ENPEP: variants seen among roughly 807,000 people sequenced by gnomAD.
The protein encoded by ENPEP is glutamyl aminopeptidase.
In ENPEP, 103 loss-of-function variants were observed where a neutral mutation model predicts 114.5. The observed-to-expected ratio is 0.90, with a 90% CI of 0.77 to 1.06. The LOEUF is 1.06. ENPEP is among the 50% of genes least tolerant of loss of function. The pLI is 0.00. For synonymous variants in ENPEP, 420 were observed against 422.0 expected, an observed-to-expected ratio of 1.00 and a Z score of 0.06; for missense variants, 1,196 against 1,161.3, an observed-to-expected ratio of 1.03 and a Z score of -0.43.
In ENPEP at chr4:110,548,284, T is replaced by C; in HGVS notation, c.2109T>C (p.Ile703=). The change falls in exon 14 of 20, where the codon ATT becomes ATC. Residue 703 remains isoleucine (I), a synonymous_variant. Coordinates refer to ENST00000265162, the MANE Select transcript of ENPEP (RefSeq NM_001977.4). ...TAATTTCAGCTGTAACCTACATCAT[T>C]AGCATGTTTGAAGATGATAAAGAGC... The part of the protein sequence containing the change: ...QRVISAVTYI[I]SMFEDDKELY... 1 of 1,605,154 alleles carries C rather than the reference T, an allele frequency of 6.2e-7. No homozygotes were observed. The highest frequency in any genetic ancestry group is 1.1e-5 in the South Asian group (1 of 89,394).
chr4:110,551,996 G>C (rs1040975143), intron 17 of ENPEP, among the ~76,000 whole-genome samples: 1 of 152,144 alleles, frequency 6.6e-6, no homozygotes, highest in African/African-American at 2.4e-5. Flanking sequence ...AGAGATGAAA[G>C]CAGTGGTCCC....
chr4:110,545,814 G>A lies in ENPEP; in HGVS notation c.2001-2362G>A, dbSNP rs187745045. The stretch of plus-strand genomic sequence containing the variant: ...TCTGACCCACTTCTGGTCCATAGGA[G>A]GTTGTCATGTATGCTTTGTCCTGAC... On this transcript the variant is annotated intron_variant, in intron 13 of 19. Transcript: ENST00000265162. Among the ~76,000 whole-genome samples, 675 of 152,098 alleles carry A rather than the reference G, an allele frequency of 4.4e-3. 4 individuals are homozygous for A. The highest frequency in any genetic ancestry group is 7.6e-3 in the Non-Finnish European group (517 of 67,940).
chr4:110,530,265 A>T (rs1054847566), intron 10 of ENPEP, among the ~76,000 whole-genome samples: 1 of 152,218 alleles, frequency 6.6e-6, no homozygotes, highest in Non-Finnish European at 1.5e-5. Flanking sequence ...ACACTTCAAT[A>T]GTTATAAAAC....
At chr4:110,520,763 A>G (rs534318314) in intron 10 of ENPEP, among the ~76,000 whole-genome samples, 2 of 152,322 alleles carry the variant, frequency 1.3e-5, no homozygotes, top group South Asian at 4.1e-4. Context: ...GGTTCTAGGT[A>G]CAGTGTTAGC....
intron 8 of ENPEP, among the ~76,000 whole-genome samples, chr4:110,518,485 G>T (rs1725862611): frequency 6.6e-6 from 1 of 152,160 alleles, no homozygotes; most frequent in African/African-American, 2.4e-5. Flanking sequence ...ATTATTCAAG[G>T]TGAAGAGGGA....
intron 1 of ENPEP, among the ~76,000 whole-genome samples, chr4:110,483,726 A>T (rs757125786): frequency 2.0e-5 from 3 of 152,226 alleles, no homozygotes; most frequent in Non-Finnish European, 4.4e-5. Context: ...CGCGATAATT[A>T]TTCAGGACGT....
intron 8 of ENPEP, among the ~76,000 whole-genome samples, chr4:110,518,305 A>G (rs1466385539): frequency 2.0e-5 from 3 of 152,220 alleles, no homozygotes; most frequent in Non-Finnish European, 4.4e-5. Flanking sequence ...TTCTTCTAGT[A>G]TCAGTAGTAC....
Position 110,520,034 on chromosome 4 carries a change from G to T in ENPEP, c.1536G>T (p.Lys512Asn), listed in dbSNP as rs374491820. ...CQMYLEKYQFKNAKTSDFWAA... is the reference protein window; with the variant it reads ...CQMYLEKYQFNNAKTSDFWAA... Reference sequence around the variant, plus strand: ...TGTACTTGGAAAAATACCAATTCAAGAATGCAAAAACTTCTGATTTTTGGG... The same window carrying T: ...TGTACTTGGAAAAATACCAATTCAATAATGCAAAAACTTCTGATTTTTGGG... The change falls in exon 9 of 20, where the codon AAG becomes AAT. Residue 512 changes from lysine to asparagine, a missense_variant. Physicochemically the swap from Lys to Asn is moderately conservative, Grantham distance 94 (BLOSUM62 0). Coordinates refer to ENST00000265162, the MANE Select transcript of ENPEP (RefSeq NM_001977.4). The T allele has an allele frequency of 1.2e-6, 2 of 1,613,822 alleles. No individual in the cohort carries two copies. Among genetic ancestry groups the T allele is most frequent in the Non-Finnish European group, 1.7e-6 (2 of 1,179,908 alleles).
rs267599982 is a variant in ENPEP, at chr4:110,515,421, G to T, written c.1488G>T (p.Glu496Asp). Residue 496 changes from glutamate (E) to aspartate (D), a missense_variant, in exon 8 of 20, where the codon GAG becomes GAT. Physicochemically the swap from Glu to Asp is conservative, Grantham distance 45. Coordinates refer to ENST00000265162, the MANE Select transcript of ENPEP (RefSeq NM_001977.4). Reference sequence around the variant, plus strand: ...TGCTTGAAGACTGGATAAAACCAGAGAATTTTCAAAAAGGATGTCAGGTAT... The same window carrying T: ...TGCTTGAAGACTGGATAAAACCAGATAATTTTCAAAAAGGATGTCAGGTAT... Reference protein sequence around the residue: ...LRMLEDWIKPENFQKGCQMYL... With the variant: ...LRMLEDWIKPDNFQKGCQMYL... 4.4e-6 allele frequency: 7 copies of T among 1,589,548 alleles called. No individual in the cohort carries two copies. Among genetic ancestry groups the T allele is most frequent in the African/African-American group, 1.4e-5 (1 of 72,902 alleles).
At chr4:110,547,288 C>G (rs1351915951) in intron 13 of ENPEP, among the ~76,000 whole-genome samples, 2 of 152,090 alleles carry the variant, frequency 1.3e-5, no homozygotes, top group Non-Finnish European at 2.9e-5. Flanking sequence ...GCTGGGCTCT[C>G]ACTATATAAA....
intron 11 of ENPEP, among the ~76,000 whole-genome samples, chr4:110,531,565 T>C (rs1263392465): frequency 6.6e-6 from 1 of 152,092 alleles, no homozygotes; most frequent in Non-Finnish European, 1.5e-5. Context: ...TAAGTTTCCT[T>C]CCTTCCTTCC....
rs1321755391 is a variant in ENPEP, at chr4:110,509,697, T to C, written c.1084T>C (p.Trp362Arg). The change falls in exon 5 of 20, where the codon TGG becomes CGG. Residue 362 changes from tryptophan (W) to arginine (R), a missense_variant. By Grantham distance (101) the Trp-to-Arg change is moderately radical. Coordinates refer to ENST00000265162, the MANE Select transcript of ENPEP (RefSeq NM_001977.4). Reference protein sequence around the residue: ...PDFGTGAMENWGLITYRETNL... With the variant: ...PDFGTGAMENRGLITYRETNL... ...TTTTGGCACTGGTGCCATGGAGAAC[T>C]GGGGACTCATCACGTACAGAGAAAC... 2 of 1,614,064 alleles carry C rather than the reference T, an allele frequency of 1.2e-6. No homozygotes were observed. The highest frequency in any genetic ancestry group is 2.2e-5 in the East Asian group (1 of 44,884).
At chr4:110,509,396 T>A (rs114190615) in intron 4 of ENPEP, among the ~76,000 whole-genome samples, 1,779 of 152,262 alleles carry the variant, frequency 0.012, 36 homozygotes, top group African/African-American at 0.04. Flanking sequence ...AGACATAAAA[T>A]TATAGAGGCA....
chr4:110,497,080 T>C (rs1724971602), intron 3 of ENPEP, among the ~76,000 whole-genome samples: 3 of 152,224 alleles, frequency 2.0e-5, no homozygotes, highest in Non-Finnish European at 4.4e-5. Context: ...AATTAAAGGC[T>C]ATGTGAATAT....
At chr4:110,507,268 A>T (rs927319717) in intron 4 of ENPEP, among the ~76,000 whole-genome samples, 1 of 152,142 alleles carries the variant, frequency 6.6e-6, no homozygotes, top group Non-Finnish European at 1.5e-5. Flanking sequence ...TCCAGCAATA[A>T]TTTTTTCTAA....
chr4:110,527,324 C>G (rs1048329018), intron 10 of ENPEP, among the ~76,000 whole-genome samples: 5 of 152,080 alleles, frequency 3.3e-5, no homozygotes, highest in South Asian at 4.1e-4. Context: ...ACCCAGCCTC[C>G]CACACTAAGT....
At chr4:110,534,219 T>A (rs1161360659) in intron 11 of ENPEP, among the ~76,000 whole-genome samples, 1 of 151,862 alleles carries the variant, frequency 6.6e-6, no homozygotes, top group Admixed American at 6.6e-5. Flanking sequence ...ATAGTGGGAC[T>A]CTCCCCAAGG....
At chr4:110,486,053 C>T (rs115141590) in intron 1 of ENPEP, among the ~76,000 whole-genome samples, 3,005 of 152,256 alleles carry the variant, frequency 0.02, 45 homozygotes, top group Non-Finnish European at 0.033. Flanking sequence ...ACCAAACTTT[C>T]ACCCCCTGGA....
In ENPEP at chr4:110,561,554, G is replaced by A; in HGVS notation, c.2870G>A (p.Gly957Asp). 6.2e-7 allele frequency: 1 copy of A among 1,610,126 alleles called. No homozygotes were observed. The change falls in exon 20 of 20, where the codon GGT becomes GAT. Residue 957 changes from glycine (G) to aspartate (D), a missense_variant. Gly to Asp is a moderately conservative substitution (Grantham distance 94, BLOSUM62 -1). Coordinates refer to ENST00000265162, the MANE Select transcript of ENPEP (RefSeq NM_001977.4). ...REWFFNLLESG is the reference protein window; with the variant it reads ...REWFFNLLESD ...TGGTTTTTTAATTTACTTGAGAGTGGTTAATGTATTCAAATGTTAGAGTTT... is the reference window on the plus strand; with the variant it reads ...TGGTTTTTTAATTTACTTGAGAGTGATTAATGTATTCAAATGTTAGAGTTT...
Sources: gnomAD v4.1 joint callset for allele counts (sites outside exome capture counted in the v4.1 genomes callset) on GRCh38, gnomAD v4.1.1 for gene constraint, MANE v1.5 for transcripts, NCBI Gene and HGNC (gene_info 2026-07-23, HGNC 2026-07-21) for gene names.